Variants in FRK observed in about 807,000 individuals in gnomAD.
FRK encodes fyn related Src family tyrosine kinase, also known as tyrosine-protein kinase FRK.
Under a neutral mutation model 56.4 loss-of-function variants are expected in FRK, and 51 were observed. The ratio of observed to expected loss-of-function variants is 0.90; its 90% CI spans 0.72 to 1.14. The LOEUF (loss-of-function observed/expected upper bound fraction) is 1.14. Ranked by LOEUF, FRK falls within the 50% of genes most tolerant of loss-of-function variation. The pLI, the probability that FRK is intolerant of heterozygous loss-of-function variation, is 0.00. For synonymous variants in FRK, 245 were observed against 217.9 expected (o/e 1.12, Z -1.10); for missense variants, 570 against 601.4 (o/e 0.95, Z 0.55).
chr6:116,021,955 C>T (rs1259631330), intron 1 of FRK, among the ~76,000 whole-genome samples: 1 of 151,450 alleles, frequency 6.6e-6, no homozygotes, highest in Non-Finnish European at 1.5e-5. Flanking sequence ...AGAAAAAAAT[C>T]AAAAATAATT....
chr6:116,019,832 G>T (rs1171409803), intron 1 of FRK, among the ~76,000 whole-genome samples: 1 of 152,102 alleles, frequency 6.6e-6, no homozygotes, highest in Non-Finnish European at 1.5e-5. Flanking sequence ...CAATAGTTAT[G>T]ACTTATTAAG....
At chr6:115,957,999 A>G (rs1197488128) in intron 4 of FRK, among the ~76,000 whole-genome samples, 1 of 152,218 alleles carries the variant, frequency 6.6e-6, no homozygotes, top group Non-Finnish European at 1.5e-5. Flanking sequence ...AGCTGTAAGT[A>G]TATTTCACAG....
chr6:116,100,591 C>A, the FRK span, among the ~76,000 whole-genome samples: 1 of 152,174 alleles, frequency 6.6e-6, no homozygotes, highest in Non-Finnish European at 1.5e-5. Flanking sequence ...CAGGTCTCAG[C>A]TGTGCAGCAG....
At chr6:116,013,661 C>T (rs961625447) in intron 1 of FRK, among the ~76,000 whole-genome samples, 11 of 152,054 alleles carry the variant, frequency 7.2e-5, no homozygotes, top group Non-Finnish European at 1.5e-4. Context: ...ATTCTCTATA[C>T]GAATAAGCTT....
rs1772002789 is a variant in FRK at position 115,934,004 on chromosome 6, C to A, written c.*8410G>T. On this transcript the variant is annotated 3_prime_UTR_variant, in exon 8 of 8. Transcript: ENST00000606080. ...TATGCACACATCTGCCTGGAATACA[C>A]ACACACACACACCATATAAACACAC... The A allele has an allele frequency of 6.6e-6, 1 of 152,064 alleles. No homozygotes were observed. The highest frequency in any genetic ancestry group is 1.5e-5 in the Non-Finnish European group (1 of 68,008). The allele number at this position is 152,064 out of a possible 1,614,324, so 9.4% of individuals were successfully genotyped here. A position where few individuals can be genotyped will look rare whatever the true frequency, so the allele number is the denominator to read the frequency against.
intron 2 of FRK, among the ~76,000 whole-genome samples, chr6:115,975,541 A>G (rs947935718): frequency 6.6e-6 from 1 of 152,188 alleles, no homozygotes; most frequent in African/African-American, 2.4e-5. Context: ...AGAACCAGAG[A>G]GAAATGAATT....
At chr6:115,973,410 G>T (rs1306025717) in intron 2 of FRK, among the ~76,000 whole-genome samples, 2 of 152,118 alleles carry the variant, frequency 1.3e-5, no homozygotes, top group Non-Finnish European at 2.9e-5. Context: ...GCCTGTTGGG[G>T]GATGTGGGAT....
chr6:116,021,205 C>T (rs187864265), intron 1 of FRK, among the ~76,000 whole-genome samples: 44 of 151,228 alleles, frequency 2.9e-4, no homozygotes, highest in Middle Eastern at 3.4e-3. Flanking sequence ...AAAGACCATG[C>T]TTGCTTACAA....
chr6:115,967,747 G>GT, intron 3 of FRK, 28 bp from the exon 4 acceptor site: 3 of 1,189,040 alleles, frequency 2.5e-6, no homozygotes, highest in Non-Finnish European at 3.3e-6. Context: ...AAGAGCAATT[G>GT]TTAAAAAAAA....
chr6:115,953,181 T>C (rs7750220), intron 5 of FRK, among the ~76,000 whole-genome samples: 1,328 of 10,066 alleles, frequency 0.13, 182 homozygotes, highest in East Asian at 0.62. Context: ...TTTAAGGCCA[T>C]TTTTTTTTTT....
intron 1 of FRK, among the ~76,000 whole-genome samples, chr6:116,048,449 G>C (rs1357076797): frequency 6.6e-6 from 1 of 152,282 alleles, no homozygotes; most frequent in Non-Finnish European, 1.5e-5. Flanking sequence ...GCAGTGGTGA[G>C]ATGCCAGCTC....
chr6:116,075,020 G>A, the FRK span, among the ~76,000 whole-genome samples: 1 of 152,084 alleles, frequency 6.6e-6, no homozygotes, highest in East Asian at 1.9e-4. Flanking sequence ...GAAGGAGAAG[G>A]GCAGAGATTA....
chr6:115,933,738 C>T lies in FRK; in HGVS notation c.*8676G>A, dbSNP rs1771997194. 6.6e-6 allele frequency: 1 copy of T among 152,014 alleles called. No homozygotes were observed. The highest frequency in any genetic ancestry group is 1.5e-5 in the Non-Finnish European group (1 of 67,990). 9.4% of individuals were successfully genotyped at this position (152,014 alleles called of 1,614,324 possible). A position where few individuals can be genotyped will look rare whatever the true frequency, so the allele number is the denominator to read the frequency against. On this transcript the variant is annotated 3_prime_UTR_variant, in exon 8 of 8. Transcript: ENST00000606080. Reference sequence around the variant, plus strand: ...AGAAAAATTAAACATGAAATGAATTCAAAGAAAAGGAACTATTTTCTTTCC... The same window carrying T: ...AGAAAAATTAAACATGAAATGAATTTAAAGAAAAGGAACTATTTTCTTTCC...
chr6:115,985,823 T>G (rs1774368540), intron 2 of FRK, among the ~76,000 whole-genome samples: 1 of 151,676 alleles, frequency 6.6e-6, no homozygotes, highest in East Asian at 2.0e-4. Context: ...GCCCAGAGCT[T>G]CTGTTCCAAT....
the FRK span, among the ~76,000 whole-genome samples, chr6:116,082,345 C>A: frequency 6.6e-6 from 1 of 152,114 alleles, no homozygotes; most frequent in African/African-American, 2.4e-5. Context: ...CTATTTTATG[C>A]TTAAAGAAGC....
the FRK span, among the ~76,000 whole-genome samples, chr6:116,085,035 A>T: frequency 2.6e-5 from 4 of 152,142 alleles, no homozygotes; most frequent in African/African-American, 9.7e-5. Context: ...CAGTTAAGAG[A>T]GTGGTATGCC....
At chr6:116,036,600 C>T (rs1378723123) in intron 1 of FRK, among the ~76,000 whole-genome samples, 1 of 152,082 alleles carries the variant, frequency 6.6e-6, no homozygotes, top group Non-Finnish European at 1.5e-5. Flanking sequence ...TTTATATCAT[C>T]CCAAAACTGT....
the FRK span, among the ~76,000 whole-genome samples, chr6:116,082,209 T>C: frequency 6.6e-6 from 1 of 152,092 alleles, no homozygotes; most frequent in East Asian, 1.9e-4. Flanking sequence ...AGAGAAAAGA[T>C]ATAGTAAGAG....
At chr6:116,040,280 A>G (rs1776664402) in intron 1 of FRK, among the ~76,000 whole-genome samples, 1 of 152,182 alleles carries the variant, frequency 6.6e-6, no homozygotes, top group African/African-American at 2.4e-5. Flanking sequence ...CAATGTCTAT[A>G]TTTGACCTTA....
Sources: gnomAD v4.1 joint callset for allele counts (sites outside exome capture counted in the v4.1 genomes callset) on GRCh38, gnomAD v4.1.1 for gene constraint, MANE v1.5 for transcripts, NCBI Gene and HGNC (gene_info 2026-07-23, HGNC 2026-07-21) for gene names.